Variants in SCN9A observed in about 807,000 individuals in gnomAD.
SCN9A encodes the protein sodium voltage-gated channel alpha subunit 9, also known as sodium channel protein type 9 subunit alpha.
In SCN9A, 131 loss-of-function variants were observed where a neutral mutation model predicts 187.0. The ratio of observed to expected loss-of-function variants is 0.70; its 90% CI spans 0.61 to 0.81. The LOEUF (loss-of-function observed/expected upper bound fraction) is 0.81, where lower values mean the gene tolerates loss of function less well. SCN9A is among the 30% of genes least tolerant of loss of function. The pLI is 0.00. For synonymous variants in SCN9A, 809 were observed against 808.6 expected, an observed-to-expected ratio of 1.00 and a Z score of -0.01; for missense variants, 2,252 against 2,396.6, an observed-to-expected ratio of 0.94 and a Z score of 1.26.
chr2:166,227,173 A>G (rs1694875424), intron 23 of SCN9A, among the ~76,000 whole-genome samples: 2 of 152,164 alleles, frequency 1.3e-5, no homozygotes, highest in South Asian at 4.1e-4. Flanking sequence ...CATGGAACTT[A>G]TTTCACATAA....
chr2:166,301,837 T>TA (rs1333591033), intron 7 of SCN9A: 1 of 150,904 alleles, frequency 6.6e-6, no homozygotes, highest in Non-Finnish European at 1.5e-5. Context: ...AGGGTAAATA[T>TA]AAAAAGAAGG....
Position 166,311,565 on chromosome 2 carries a change from C to T in SCN9A, c.192G>A (p.Gly64=), listed in dbSNP as rs1355210090. The part of the protein sequence containing the change: ...EAGKQLPFIY[G]DIPPGMVSEP... ...CTGACACCATGCCGGGAGGAATGTC[C>T]CCATAGATGAAGGGCAGCTGTTTGC... Residue 64 remains glycine (G), a synonymous_variant, in exon 2 of 27, where the codon GGG becomes GGA. Transcript: ENST00000642356. 6.2e-7 allele frequency: 1 copy of T among 1,612,896 alleles called. No individual in the cohort carries two copies. The highest frequency in any genetic ancestry group is 1.3e-5 in the African/African-American group (1 of 74,666).
intron 24 of SCN9A, among the ~76,000 whole-genome samples, chr2:166,222,941 A>AG (rs1694662823): frequency 1.0e-5 from 1 of 96,374 alleles, no homozygotes; most frequent in Non-Finnish European, 2.1e-5. Flanking sequence ...AAAAAAAAAA[A>AG]CAACAAAAAA....
At chr2:166,367,567 C>A (rs11681893) in intron 1 of SCN9A, among the ~76,000 whole-genome samples, 1 of 152,006 alleles carries the variant, frequency 6.6e-6, no homozygotes, top group African/African-American at 2.4e-5. Flanking sequence ...GCCTGGCCCA[C>A]CCTAGACATT....
At chr2:166,322,975 T>A (rs137993592) in intron 1 of SCN9A, among the ~76,000 whole-genome samples, 130 of 152,308 alleles carry the variant, frequency 8.5e-4, no homozygotes, top group African/African-American at 2.9e-3. Flanking sequence ...AGAATGACTG[T>A]TGATTGCTCA....
chr2:166,239,222 CAAA>C (rs1224250762), intron 19 of SCN9A, among the ~76,000 whole-genome samples: 1 of 14,984 alleles, frequency 6.7e-5, no homozygotes, highest in Non-Finnish European at 2.4e-4. Context: ...GACTCTGTCT[CAAA>C]AAAAAAAAAA....
chr2:166,294,742 A>G, intron 7 of SCN9A, 80 bp from the exon 8 acceptor site: 2 of 916,014 alleles, frequency 2.2e-6, no homozygotes, highest in Non-Finnish European at 3.3e-6. Flanking sequence ...ATTAATTGAT[A>G]TAGACATTTA....
At chr2:166,273,360 G>C (rs533321333) in intron 16 of SCN9A, among the ~76,000 whole-genome samples, 22 of 152,236 alleles carry the variant, frequency 1.4e-4, no homozygotes, top group South Asian at 1.2e-3. Flanking sequence ...AATGTCACTT[G>C]TTCTAACAAA....
At chr2:166,240,727 T>C (rs973126193) in intron 19 of SCN9A, among the ~76,000 whole-genome samples, 3 of 152,136 alleles carry the variant, frequency 2.0e-5, no homozygotes, top group Non-Finnish European at 4.4e-5. Context: ...AAAGCCACAG[T>C]GGGTCCCTGC....
At chr2:166,348,864 G>A (rs889695048) in intron 1 of SCN9A, among the ~76,000 whole-genome samples, 14 of 152,078 alleles carry the variant, frequency 9.2e-5, no homozygotes, top group African/African-American at 3.4e-4. Context: ...AGTGGCTCAC[G>A]TCTGTAATCC....
At chr2:166,202,296 CT>C (rs1051112070) in intron 26 of SCN9A, among the ~76,000 whole-genome samples, 10 of 149,486 alleles carry the variant, frequency 6.7e-5, no homozygotes, top group Middle Eastern at 3.2e-3. Flanking sequence ...CTACTAGAAT[CT>C]TTTTTTTTAA....
chr2:166,370,076 ACT>A (rs1187567864), intron 1 of SCN9A, among the ~76,000 whole-genome samples: 1 of 151,842 alleles, frequency 6.6e-6, no homozygotes, highest in Non-Finnish European at 1.5e-5. Context: ...TAAAGTATAG[ACT>A]CTCAAGAAGA....
Position 166,195,599 on chromosome 2 carries a change from C to T in SCN9A, c.*3073G>A, listed in dbSNP as rs957534160. The T allele has an allele frequency of 6.6e-6, 1 of 152,152 alleles. No homozygotes were observed. Among genetic ancestry groups the T allele is most frequent in the Non-Finnish European group, 1.5e-5 (1 of 68,026 alleles). 9.4% of individuals were successfully genotyped at this position (152,152 alleles called of 1,614,324 possible). A position where few individuals can be genotyped will look rare whatever the true frequency, so the allele number is the denominator to read the frequency against. ...TTTATTTTCACTCTTTTTAATAAAG[C>T]TATCAAAACTCTATAAAATCATGCT... On this transcript the variant is annotated 3_prime_UTR_variant, in exon 27 of 27. Transcript: ENST00000642356.
chr2:166,252,785 G>A (rs531866909), intron 17 of SCN9A, among the ~76,000 whole-genome samples: 70 of 151,574 alleles, frequency 4.6e-4, no homozygotes, highest in African/African-American at 1.4e-3. Context: ...ACACACACAC[G>A]AAGAAATCTT....
chr2:166,352,499 G>T (rs543970760), intron 1 of SCN9A, among the ~76,000 whole-genome samples: 29 of 152,154 alleles, frequency 1.9e-4, no homozygotes, highest in Non-Finnish European at 3.2e-4. Context: ...CTTACATTCT[G>T]TACTGAAGTA....
At chr2:166,237,453 T>A (rs1239689688) in intron 20 of SCN9A, among the ~76,000 whole-genome samples, 1 of 152,144 alleles carries the variant, frequency 6.6e-6, no homozygotes, top group East Asian at 1.9e-4. Flanking sequence ...TAATAATGCC[T>A]ACTCCTCTGC....
At chr2:166,363,297 A>G (rs924630506) in intron 1 of SCN9A, among the ~76,000 whole-genome samples, 3 of 152,062 alleles carry the variant, frequency 2.0e-5, no homozygotes, top group Non-Finnish European at 4.4e-5. Flanking sequence ...CATTAATTCA[A>G]TTTGTTTACT....
chr2:166,218,937 C>T (rs1167037857), intron 24 of SCN9A, among the ~76,000 whole-genome samples: 1 of 151,956 alleles, frequency 6.6e-6, no homozygotes, highest in Non-Finnish European at 1.5e-5. Context: ...AAAGAAGACA[C>T]ACATGCAACA....
In SCN9A at chr2:166,323,944, G is replaced by A. The variant is rs999063537; in HGVS notation, c.-50-12138C>T. Among the ~76,000 whole-genome samples, 8 of 151,088 alleles carry A rather than the reference G, an allele frequency of 5.3e-5. No homozygotes were observed. In the South Asian group the frequency reaches 1.5e-3, roughly 28 times the overall value. On this transcript the variant is annotated intron_variant, in intron 1 of 26. Coordinates refer to ENST00000642356, the MANE Select transcript of SCN9A (RefSeq NM_001365536.1). ...TTGTTTGTTTCTTTAATCTTGATTA[G>A]AGGGACTATGATATGACATTTTCTT...
Sources: allele counts gnomAD v4.1 joint callset (sites outside exome capture counted in the v4.1 genomes callset), GRCh38; gene constraint gnomAD v4.1.1; transcripts MANE v1.5; gene names NCBI Gene and HGNC (gene_info 2026-07-23, HGNC 2026-07-21).